Variants in SAMD5 observed in about 807,000 individuals in gnomAD.
SAMD5 encodes sterile alpha motif domain containing 5, also known as sterile alpha motif domain-containing protein 5.
In SAMD5, 13 loss-of-function variants were observed where a neutral mutation model predicts 11.3. The ratio of observed to expected loss-of-function variants is 1.15; its 90% confidence interval spans 0.75 to 1.83. The LOEUF (loss-of-function observed/expected upper bound fraction) is 1.83. Ranked by LOEUF, SAMD5 falls within the 40% of genes most tolerant of loss-of-function variation. The probability of loss-of-function intolerance (pLI) is 0.00; values close to 1 mark genes in which losing one functional copy is unlikely to be tolerated. For missense variants in SAMD5, 255 were observed against 239.1 expected (o/e 1.07, Z -0.44); for synonymous variants, 129 against 111.3 (o/e 1.16, Z -1.00).
At chr6:147,787,872 A>G in the SAMD5 span, among the ~76,000 whole-genome samples, 38 of 152,346 alleles carry the variant, frequency 2.5e-4, no homozygotes, top group African/African-American at 9.1e-4. Context: ...GTGTACTATC[A>G]GTAGCTCCGT....
chr6:147,616,170 T>TGAA (rs1562334252), intron 1 of SAMD5, among the ~76,000 whole-genome samples: 8 of 118,818 alleles, frequency 6.7e-5, no homozygotes, highest in Admixed American at 1.6e-4. Context: ...ATATTTCATA[T>TGAA]ATATTTATTC....
chr6:147,854,591 T>C, the SAMD5 span, among the ~76,000 whole-genome samples: 1 of 152,220 alleles, frequency 6.6e-6, no homozygotes, highest in African/African-American at 2.4e-5. Flanking sequence ...TCGCTTCCTG[T>C]ACTCGATTTT....
chr6:147,829,291 TGAGAATGCGAG>T, the SAMD5 span, among the ~76,000 whole-genome samples: 2 of 152,224 alleles, frequency 1.3e-5, no homozygotes, highest in South Asian at 4.1e-4. Context: ...CAACTGTGCC[TGAGAATGCGAG>T]GAGAAGCTCT....
At chr6:147,831,052 T>C in the SAMD5 span, among the ~76,000 whole-genome samples, 1 of 152,224 alleles carries the variant, frequency 6.6e-6, no homozygotes, top group Non-Finnish European at 1.5e-5. Flanking sequence ...GAGGTTCCTG[T>C]AGAAATGTAG....
At chr6:147,900,632 A>G in the SAMD5 span, among the ~76,000 whole-genome samples, 4 of 152,240 alleles carry the variant, frequency 2.6e-5, no homozygotes, top group East Asian at 3.9e-4. Flanking sequence ...AGGGGAAAAC[A>G]GAAACCCTCT....
chr6:147,668,514 C>A (rs1435745759), intron 1 of SAMD5, among the ~76,000 whole-genome samples: 2 of 152,148 alleles, frequency 1.3e-5, no homozygotes, highest in Non-Finnish European at 2.9e-5. Context: ...AGCAATAAGG[C>A]AAGTCACATG....
At chr6:147,677,050 A>G (rs1180902190) in intron 1 of SAMD5, among the ~76,000 whole-genome samples, 1 of 152,154 alleles carries the variant, frequency 6.6e-6, no homozygotes, top group East Asian at 1.9e-4. Context: ...CCTGATTTTT[A>G]TGACTTGAGC....
chr6:147,771,794 C>A, the SAMD5 span, among the ~76,000 whole-genome samples: 1 of 152,164 alleles, frequency 6.6e-6, no homozygotes, highest in Admixed American at 6.6e-5. Context: ...GTGTCTACTG[C>A]AAACATTGTT....
the SAMD5 span, among the ~76,000 whole-genome samples, chr6:147,870,480 G>GTATATATA: frequency 4.4e-5 from 6 of 136,812 alleles, no homozygotes; most frequent in Non-Finnish European, 9.3e-5. Context: ...GTGTGTGTGT[G>GTATATATA]TGTATATATA....
At chr6:147,628,612 C>A (rs1042452190) in intron 1 of SAMD5, among the ~76,000 whole-genome samples, 7 of 151,986 alleles carry the variant, frequency 4.6e-5, no homozygotes, top group African/African-American at 1.7e-4. Context: ...AGAAATTTGG[C>A]CTAAATCAAT....
the SAMD5 span, among the ~76,000 whole-genome samples, chr6:147,862,967 T>A: frequency 6.6e-6 from 1 of 152,042 alleles, no homozygotes; most frequent in African/African-American, 2.4e-5. Flanking sequence ...CTTCCAAGAG[T>A]ATTTCCAAAA....
intron 1 of SAMD5, among the ~76,000 whole-genome samples, chr6:147,510,791 A>G (rs773556726): frequency 3.3e-5 from 5 of 152,198 alleles, no homozygotes; most frequent in Non-Finnish European, 7.3e-5. Flanking sequence ...GGTTGGGAGG[A>G]CAGAGTGCTT....
the SAMD5 span, among the ~76,000 whole-genome samples, chr6:147,852,080 C>T: frequency 1.6e-4 from 25 of 152,136 alleles, no homozygotes; most frequent in South Asian, 2.3e-3. Flanking sequence ...TAAATCTATA[C>T]GTACTGTATT....
At chr6:147,629,413 C>G (rs1790106731) in intron 1 of SAMD5, among the ~76,000 whole-genome samples, 1 of 151,966 alleles carries the variant, frequency 6.6e-6, no homozygotes, top group Non-Finnish European at 1.5e-5. Flanking sequence ...GGTAGAATGA[C>G]AAAGAAATCC....
chr6:147,535,489 T>C (rs1367251674), intron 1 of SAMD5, among the ~76,000 whole-genome samples: 6 of 152,200 alleles, frequency 3.9e-5, no homozygotes, highest in Non-Finnish European at 7.3e-5. Context: ...CTAACAACAG[T>C]GTACTATAGT....
chr6:147,782,068 A>C, the SAMD5 span, among the ~76,000 whole-genome samples: 4 of 151,746 alleles, frequency 2.6e-5, no homozygotes, highest in African/African-American at 9.7e-5. Flanking sequence ...CCAGGAGCTG[A>C]TGGTGCAATA....
chr6:147,857,351 A>AG, the SAMD5 span, among the ~76,000 whole-genome samples: 3 of 151,566 alleles, frequency 2.0e-5, no homozygotes, highest in Non-Finnish European at 4.4e-5. Flanking sequence ...CAAAAAAAAA[A>AG]AAAAAATTAG....
chr6:147,765,680 G>A, the SAMD5 span, among the ~76,000 whole-genome samples: 4 of 152,278 alleles, frequency 2.6e-5, no homozygotes, highest in East Asian at 7.7e-4. Flanking sequence ...TAGGGACGTC[G>A]GAACTGCTAA....
chr6:147,800,230 T>C, the SAMD5 span, among the ~76,000 whole-genome samples: 1 of 152,154 alleles, frequency 6.6e-6, no homozygotes, highest in Non-Finnish European at 1.5e-5. Flanking sequence ...ATGATGGTGA[T>C]GTACAGATGG....
Sources: gnomAD v4.1 joint callset for allele counts (sites outside exome capture counted in the v4.1 genomes callset) on GRCh38, gnomAD v4.1.1 for gene constraint, MANE v1.5 for transcripts, NCBI Gene and HGNC (gene_info 2026-07-23, HGNC 2026-07-21) for gene names.